The following SNX29 variants were observed in gnomAD, a reference collection of about 807,000 sequenced individuals.
The protein encoded by SNX29 is sorting nexin 29.
A neutral mutation model predicts 102.1 loss-of-function variants in SNX29; 78 were observed. That is an observed-to-expected ratio of 0.76 (90% CI 0.64 to 0.92). SNX29 has a LOEUF of 0.92. SNX29 is among the 40% of genes least tolerant of loss of function. The pLI is 0.00. For synonymous variants in SNX29, 580 were observed against 414.5 expected (o/e 1.40, Z -4.85); for missense variants, 1,280 against 1,061.7 (o/e 1.21, Z -2.86).
chr16:12,100,595 G>A (rs1193137569), intron 11 of SNX29, among the ~76,000 whole-genome samples: 1 of 152,084 alleles, frequency 6.6e-6, no homozygotes, highest in Non-Finnish European at 1.5e-5. Flanking sequence ...TTTGAGTAGG[G>A]GCCTGAATAA....
At chr16:12,038,045 G>C (rs1366263426) in intron 4 of SNX29, among the ~76,000 whole-genome samples, 1 of 152,042 alleles carries the variant, frequency 6.6e-6, no homozygotes, top group African/African-American at 2.4e-5. Context: ...ACGTGTAGTA[G>C]TGATATTAAT....
intron 15 of SNX29, among the ~76,000 whole-genome samples, chr16:12,351,773 C>T (rs993726258): frequency 6.6e-6 from 1 of 152,132 alleles, no homozygotes; most frequent in East Asian, 1.9e-4. Context: ...ACTCAAATGT[C>T]ACTTTCTTGG....
At chr16:12,568,418 C>T (rs1490112498) in intron 20 of SNX29, 88 bp from the exon 21 acceptor site, 64 of 1,554,188 alleles carry the variant, frequency 4.1e-5, no homozygotes, top group Middle Eastern at 1.7e-4. Flanking sequence ...CAGATCCCTC[C>T]TGCCCTCACA....
At chr16:12,398,307 T>G (rs2083791772) in intron 16 of SNX29, 139 bp from the exon 17 acceptor site, 1 of 903,764 alleles carries the variant, frequency 1.1e-6, no homozygotes, top group Admixed American at 2.1e-5. Context: ...TCTTACCGTT[T>G]TCCAGTGACT....
At chr16:12,274,712 G>C (rs796530081) in intron 14 of SNX29, among the ~76,000 whole-genome samples, 2 of 151,996 alleles carry the variant, frequency 1.3e-5, no homozygotes, top group African/African-American at 4.8e-5. Context: ...AATTTTTGTG[G>C]TTTTTGCAGA....
intron 18 of SNX29, among the ~76,000 whole-genome samples, chr16:12,444,691 G>A (rs1175367922): frequency 6.6e-6 from 1 of 152,110 alleles, no homozygotes; most frequent in East Asian, 1.9e-4. Flanking sequence ...TCACTCCCCA[G>A]GCTACAGGTC....
chr16:12,477,926 C>T (rs2087731468), intron 19 of SNX29, 67 bp downstream of exon 19: 5 of 1,489,726 alleles, frequency 3.4e-6, no homozygotes, highest in Admixed American at 5.1e-5. Flanking sequence ...TATTCTTCTT[C>T]TTTAGTCCGT....
chr16:12,141,537 T>C (rs1017548384), intron 13 of SNX29, among the ~76,000 whole-genome samples: 24 of 152,248 alleles, frequency 1.6e-4, no homozygotes, highest in African/African-American at 4.6e-4. Flanking sequence ...AGAGTACTTA[T>C]GGTTATTTCT....
chr16:12,314,723 A>C (rs1310992142), intron 15 of SNX29, among the ~76,000 whole-genome samples: 1 of 152,226 alleles, frequency 6.6e-6, no homozygotes, highest in African/African-American at 2.4e-5. Flanking sequence ...TAAATCAAAA[A>C]GAATGTTGGG....
intron 13 of SNX29, among the ~76,000 whole-genome samples, chr16:12,188,358 A>G (rs1008577323): frequency 3.9e-5 from 6 of 152,232 alleles, no homozygotes; most frequent in African/African-American, 1.4e-4. Context: ...TAGAGCAAGC[A>G]TTCCCGTCAG....
chr16:12,313,756 T>G (rs2080642216), intron 15 of SNX29, among the ~76,000 whole-genome samples: 1 of 152,188 alleles, frequency 6.6e-6, no homozygotes, highest in South Asian at 2.1e-4. Context: ...ATTGCCCCAT[T>G]GGTATCAGTT....
rs376678475 is a variant in SNX29, at chr16:12,326,417, G to A, written c.1783-29746G>A. On this transcript the variant is annotated intron_variant, in intron 15 of 20. Transcript: ENST00000566228. Reference sequence around the variant, plus strand: ...TTGAACCAGGTGGGCATGGCATGGAGGCATGAGTACTGGGCAAGTTGGCAA... The same window carrying A: ...TTGAACCAGGTGGGCATGGCATGGAAGCATGAGTACTGGGCAAGTTGGCAA... 1.4e-4 allele frequency among the ~76,000 whole-genome samples: 21 copies of A among 151,900 alleles called. No individual in the cohort carries two copies. The East Asian group carries it at 2.7e-3, about 20-fold the overall frequency.
intron 20 of SNX29, among the ~76,000 whole-genome samples, chr16:12,551,515 A>G (rs1347994783): frequency 1.3e-5 from 2 of 152,214 alleles, no homozygotes; most frequent in Non-Finnish European, 2.9e-5. Flanking sequence ...CAGCATCAGG[A>G]TCTTTTTAAA....
chr16:12,012,773 A>G (rs572020900), intron 3 of SNX29, among the ~76,000 whole-genome samples: 2 of 152,084 alleles, frequency 1.3e-5, no homozygotes, highest in African/African-American at 4.8e-5. Context: ...TCTATGTTCC[A>G]TCTGAGCCAG....
chr16:12,133,317 A>G (rs350287), intron 13 of SNX29, among the ~76,000 whole-genome samples: 86,623 of 125,828 alleles, frequency 0.69, 29,851 homozygotes, highest in East Asian at 0.91. Flanking sequence ...TTAAGATAGT[A>G]TCTCACTCTG....
At chr16:12,033,610 CT>C (rs869128492) in intron 4 of SNX29, among the ~76,000 whole-genome samples, 413 of 139,994 alleles carry the variant, frequency 3.0e-3, no homozygotes, top group Middle Eastern at 7.9e-3. Flanking sequence ...TTTCTTTTTT[CT>C]TTTTTTTTTT....
At chr16:12,533,222 G>T in intron 20 of SNX29, among the ~76,000 whole-genome samples, 1 of 152,232 alleles carries the variant, frequency 6.6e-6, no homozygotes, top group East Asian at 1.9e-4. Flanking sequence ...ACACTTTGCT[G>T]CTGTTTTGCC....
chr16:12,208,084 GA>G (rs1168888359), intron 14 of SNX29, among the ~76,000 whole-genome samples: 1 of 152,184 alleles, frequency 6.6e-6, no homozygotes, highest in African/African-American at 2.4e-5. Context: ...CAAGTTTGGG[GA>G]AGCAACATTC....
At chr16:12,512,408 ATATATATATAG>A (rs2089669906) in intron 19 of SNX29, among the ~76,000 whole-genome samples, 1 of 66,662 alleles carries the variant, frequency 1.5e-5, no homozygotes, top group African/African-American at 8.8e-5. Flanking sequence ...ATATATATAT[ATATATATATAG>A]TTTTCGGTTT....
Sources: gnomAD v4.1 joint callset for allele counts (sites outside exome capture counted in the v4.1 genomes callset) on GRCh38, gnomAD v4.1.1 for gene constraint, MANE v1.5 for transcripts, NCBI Gene and HGNC (gene_info 2026-07-23, HGNC 2026-07-21) for gene names.